Variants in SGCD observed in about 807,000 individuals in gnomAD.
SGCD encodes delta-sarcoglycan.
Under a neutral mutation model 36.6 loss-of-function variants are expected in SGCD, and 18 were observed. That is an observed-to-expected ratio of 0.49 (90% CI 0.34 to 0.73). The LOEUF is 0.73. Among genes scored for constraint, SGCD ranks in the 30% least tolerant of loss-of-function variants. SGCD has a pLI of 0.01. For synonymous variants in SGCD, 133 were observed against 130.6 expected (o/e 1.02, Z -0.12); for missense variants, 387 against 346.7 (o/e 1.12, Z -0.92).
intron 3 of SGCD, among the ~76,000 whole-genome samples, chr5:156,249,925 C>A (rs1765534245): frequency 6.6e-6 from 1 of 152,156 alleles, no homozygotes; most frequent in Admixed American, 6.5e-5. Context: ...TTTGAAAAAT[C>A]TGACTGTCTA....
intron 3 of SGCD, among the ~76,000 whole-genome samples, chr5:156,412,992 T>A (rs1340127163): frequency 6.6e-6 from 1 of 150,944 alleles, no homozygotes; most frequent in East Asian, 2.0e-4. Flanking sequence ...AGAGACGGGG[T>A]TTCACCTTGT....
chr5:156,734,675 T>TTATAAAATTC lies in SGCD; in HGVS notation c.576-22904_576-22895dup, dbSNP rs578206550. On this transcript the variant is annotated intron_variant, in intron 7 of 8. Coordinates refer to ENST00000337851, the MANE Select transcript of SGCD (RefSeq NM_000337.6). ...TCTGCTGTTAATACTTGTTATTGCA[T>TTATAAAATTC]TATAAAATTCTTGTAGTCTGTTTTT... Among the ~76,000 whole-genome samples, 341 of 152,308 alleles carry TTATAAAATTC rather than the reference T, an allele frequency of 2.2e-3. 2 individuals carry two copies. The highest frequency in any genetic ancestry group is 8.0e-3 in the African/African-American group (331 of 41,572).
intron 1 of SGCD, among the ~76,000 whole-genome samples, chr5:155,973,152 C>G (rs1758040830): frequency 6.6e-6 from 1 of 152,154 alleles, no homozygotes; most frequent in Non-Finnish European, 1.5e-5. Flanking sequence ...GAAATCCACT[C>G]TGAGGGGAAC....
At chr5:155,861,086 C>T in the SGCD span, among the ~76,000 whole-genome samples, 3 of 152,178 alleles carry the variant, frequency 2.0e-5, no homozygotes, top group African/African-American at 4.8e-5. Context: ...ATATATAGCT[C>T]ATTTATCACT....
At chr5:156,188,871 G>C (rs886893661) in intron 3 of SGCD, among the ~76,000 whole-genome samples, 10 of 152,072 alleles carry the variant, frequency 6.6e-5, no homozygotes, top group African/African-American at 2.4e-4. Flanking sequence ...ATTCTCCCTA[G>C]TAATTCCCTC....
At chr5:155,954,264 G>T (rs1757602016) in intron 1 of SGCD, among the ~76,000 whole-genome samples, 2 of 152,100 alleles carry the variant, frequency 1.3e-5, no homozygotes, top group South Asian at 2.1e-4. Context: ...TTTCCCTATT[G>T]CTTCTTGAAC....
At position 156,761,918 on chromosome 5, in the gene SGCD, T is replaced by C. The variant is rs1757506717; in HGVS notation, c.*2528T>C. On this transcript the variant is annotated 3_prime_UTR_variant, in exon 9 of 9. Coordinates refer to ENST00000337851, the MANE Select transcript of SGCD (RefSeq NM_000337.6). ...GACATAACATTCAATTTTTCATTTA[T>C]GCTAAGTGACCACAGTATACAAAGT... is the stretch of plus-strand genomic sequence containing the variant. 1 of 152,348 alleles carries C rather than the reference T, an allele frequency of 6.6e-6. No homozygotes were observed. Among genetic ancestry groups the C allele is most frequent in the Non-Finnish European group, 1.5e-5 (1 of 68,048 alleles). The allele number at this position is 152,348 out of a possible 1,614,324, so 9.4% of individuals were successfully genotyped here.
intron 2 of SGCD, among the ~76,000 whole-genome samples, chr5:156,336,678 G>A (rs954406886): frequency 6.6e-6 from 1 of 152,154 alleles, no homozygotes; most frequent in Admixed American, 6.5e-5. Flanking sequence ...ATTGAATAAA[G>A]CCTGAATATG....
chr5:156,189,419 A>G (rs1436866454), intron 3 of SGCD, among the ~76,000 whole-genome samples: 1 of 152,252 alleles, frequency 6.6e-6, no homozygotes, highest in Non-Finnish European at 1.5e-5. Context: ...CACAAATGTC[A>G]TGGAATTTTA....
intron 7 of SGCD, among the ~76,000 whole-genome samples, chr5:156,657,344 C>A (rs1299956445): frequency 6.6e-6 from 1 of 151,544 alleles, no homozygotes; most frequent in African/African-American, 2.4e-5. Flanking sequence ...GTGCTGCACC[C>A]ATTAACTGGT....
At chr5:156,245,452 CA>C (rs1371353938) in intron 3 of SGCD, among the ~76,000 whole-genome samples, 10 of 152,186 alleles carry the variant, frequency 6.6e-5, no homozygotes, top group African/African-American at 2.4e-4. Context: ...AATGACTTAT[CA>C]AACTGTGAGG....
intron 6 of SGCD, among the ~76,000 whole-genome samples, chr5:156,640,994 C>T (rs1004579693): frequency 1.3e-5 from 2 of 152,184 alleles, no homozygotes; most frequent in African/African-American, 4.8e-5. Context: ...GCCACCTTCC[C>T]TGTGCTTAAT....
the SGCD span, among the ~76,000 whole-genome samples, chr5:155,861,027 A>G: frequency 6.6e-6 from 1 of 152,360 alleles, no homozygotes; most frequent in African/African-American, 2.4e-5. Context: ...GGTATTGAAT[A>G]GCGTGCGTGC....
chr5:155,791,141 T>C, the SGCD span, among the ~76,000 whole-genome samples: 17 of 152,212 alleles, frequency 1.1e-4, no homozygotes, highest in East Asian at 3.1e-3. Flanking sequence ...CCAAGGAAAG[T>C]TGAGCTGATG....
intron 1 of SGCD, among the ~76,000 whole-genome samples, chr5:155,931,406 T>C (rs987799298): frequency 2.0e-5 from 3 of 152,210 alleles, no homozygotes; most frequent in Admixed American, 6.5e-5. Context: ...CACTTGTCTA[T>C]GAATGTATTT....
chr5:156,618,694 A>C (rs1403338425), intron 6 of SGCD, among the ~76,000 whole-genome samples: 1 of 151,944 alleles, frequency 6.6e-6, no homozygotes. Flanking sequence ...CATAAGCTAC[A>C]GTGGTTCGGT....
At chr5:156,318,649 G>A (rs1326801831) in intron 3 of SGCD, among the ~76,000 whole-genome samples, 2 of 150,098 alleles carry the variant, frequency 1.3e-5, no homozygotes, top group Non-Finnish European at 3.0e-5. Flanking sequence ...TGGATGGAGT[G>A]AAGTGGAGTG....
the SGCD span, among the ~76,000 whole-genome samples, chr5:155,820,238 A>T: frequency 6.6e-6 from 1 of 152,200 alleles, no homozygotes; most frequent in Non-Finnish European, 1.5e-5. Flanking sequence ...TAGTTTTCCT[A>T]TAGAATCCCT....
chr5:156,005,299 A>G (rs1758734814), intron 1 of SGCD, among the ~76,000 whole-genome samples: 1 of 152,100 alleles, frequency 6.6e-6, no homozygotes, highest in Admixed American at 6.5e-5. Flanking sequence ...TCCAGCTTGC[A>G]TTAGGACAGC....
Sources: allele counts gnomAD v4.1 joint callset (sites outside exome capture counted in the v4.1 genomes callset), GRCh38; gene constraint gnomAD v4.1.1; transcripts MANE v1.5; gene names NCBI Gene and HGNC (gene_info 2026-07-23, HGNC 2026-07-21).